The following FGF13 variants were observed in gnomAD, a reference collection of about 807,000 sequenced individuals.
FGF13 encodes fibroblast growth factor homologous factor 2.
A neutral mutation model predicts 19.5 loss-of-function variants in FGF13; 2 were observed. That is an observed-to-expected ratio of 0.10 (90% CI 0.04 to 0.32). The LOEUF is 0.32. FGF13 is among the 10% of genes least tolerant of loss of function. The probability of loss-of-function intolerance (pLI) is 1.00; values close to 1 mark genes in which losing one functional copy is unlikely to be tolerated. For synonymous variants in FGF13, 72 were observed against 76.9 expected, an observed-to-expected ratio of 0.94 and a Z score of 0.33; for missense variants, 113 against 192.7, an observed-to-expected ratio of 0.59 and a Z score of 2.45.
At chrX:139,108,692 A>C (rs915115135) in intron 1 of FGF13, among the ~76,000 whole-genome samples, 1 of 110,543 alleles carries the variant, frequency 9.0e-6, no homozygotes, top group African/African-American at 3.3e-5. Context: ...TTTTATTTTA[A>C]GTTCTGGGGT....
intron 1 of FGF13, among the ~76,000 whole-genome samples, chrX:139,131,653 T>C (rs1044886753): frequency 2.7e-5 from 3 of 111,071 alleles, no homozygotes; most frequent in African/African-American, 6.5e-5. Context: ...AGGAGGACTG[T>C]TTGAGCCCAG....
chrX:138,837,483 G>A (rs2091121142), intron 3 of FGF13, among the ~76,000 whole-genome samples: 1 of 112,184 alleles, frequency 8.9e-6, no homozygotes, highest in Non-Finnish European at 1.9e-5. Context: ...CTGCTGTGCT[G>A]TGGTATTGCT....
intron 1 of FGF13, among the ~76,000 whole-genome samples, chrX:138,939,358 T>A (rs1040233189): frequency 8.9e-6 from 1 of 112,351 alleles, no homozygotes; most frequent in Admixed American, 9.4e-5. Context: ...TTGCTTCATA[T>A]TCCATGAATT....
chrX:139,055,103 G>A (rs1168529187), intron 1 of FGF13, among the ~76,000 whole-genome samples: 3 of 110,877 alleles, frequency 2.7e-5, no homozygotes, highest in African/African-American at 9.9e-5. Flanking sequence ...TAGGGTTTTC[G>A]AGGTAAACAA....
rs976140548 is a variant in FGF13, at chrX:139,110,299, G to T, written c.-113+93117C>A. On this transcript the variant is annotated intron_variant, in intron 1 of 2. Transcript: ENST00000421460. The stretch of plus-strand genomic sequence containing the variant: ...TCTTTCATTTTTATATGCTGATATG[G>T]TTTGGCTGTGTCCCCACCCAAATGT... Among the ~76,000 whole-genome samples the T allele has an allele frequency of 2.7e-5, 3 of 109,428 alleles. No homozygotes were observed. In the Admixed American group the frequency reaches 2.9e-4, roughly 11 times the overall value.
intron 1 of FGF13, among the ~76,000 whole-genome samples, chrX:138,868,617 G>A (rs755955282): frequency 9.0e-6 from 1 of 110,768 alleles, no homozygotes; most frequent in Non-Finnish European, 1.9e-5. Context: ...AATTTTTGGA[G>A]TATTAAAGCT....
chrX:138,769,377 C>G (rs1177112110), intron 3 of FGF13, among the ~76,000 whole-genome samples: 1 of 111,813 alleles, frequency 8.9e-6, no homozygotes, highest in African/African-American at 3.3e-5. Context: ...TAACTTTTTA[C>G]AAGTTACTTA....
chrX:138,884,379 C>A (rs770019016), intron 1 of FGF13, among the ~76,000 whole-genome samples: 2 of 111,938 alleles, frequency 1.8e-5, no homozygotes, highest in Admixed American at 9.5e-5. Flanking sequence ...AGGGAGAGGG[C>A]CTCCTGTTGG....
In FGF13 at chrX:138,617,059, C is replaced by T. The variant is rs1367507260; in HGVS notation, c.*15791G>A. 3 of 111,849 alleles carry T rather than the reference C, an allele frequency of 2.7e-5. No homozygotes were observed. The East Asian group carries it at 8.5e-4, about 32-fold the overall frequency. 9.2% of individuals were successfully genotyped at this position (111,849 alleles called of 1,213,427 possible). On this transcript the variant is annotated 3_prime_UTR_variant, in exon 5 of 5. Transcript: ENST00000315930. ...CTGCAGTGAAGGTCTCTGACATGCC[C>T]TAGAGACATTCTCCCCATTGTTTTG...
intron 3 of FGF13, among the ~76,000 whole-genome samples, chrX:138,851,250 C>T (rs914434800): frequency 4.5e-5 from 5 of 111,722 alleles, no homozygotes; most frequent in Non-Finnish European, 9.4e-5. Context: ...TTTAAGTATA[C>T]ACCCAGTAAT....
intron 1 of FGF13, among the ~76,000 whole-genome samples, chrX:138,887,434 C>A (rs767318706): frequency 6.6e-4 from 74 of 111,627 alleles, no homozygotes; most frequent in Non-Finnish European, 1.2e-3. Flanking sequence ...CCGGCCAAGT[C>A]ATCATGGATG....
chrX:138,911,431 A>G (rs1044983353), intron 1 of FGF13, among the ~76,000 whole-genome samples: 14 of 109,329 alleles, frequency 1.3e-4, no homozygotes, highest in Middle Eastern at 4.7e-3. Flanking sequence ...ATGGACACAC[A>G]GAGGGGGGCA....
At chrX:138,893,110 GGACAATTAAGA>G (rs2091485817) in intron 1 of FGF13, among the ~76,000 whole-genome samples, 1 of 111,303 alleles carries the variant, frequency 9.0e-6, no homozygotes, top group South Asian at 3.9e-4. Flanking sequence ...AAGAGAAAGG[GGACAATTAAGA>G]GACTCCCAGG....
At chrX:138,827,448 G>T (rs954855233) in intron 3 of FGF13, among the ~76,000 whole-genome samples, 1 of 111,867 alleles carries the variant, frequency 8.9e-6, no homozygotes, top group Non-Finnish European at 1.9e-5. Context: ...TCCAGGGCAG[G>T]GTTATGGCTA....
intron 1 of FGF13, among the ~76,000 whole-genome samples, chrX:139,188,134 T>C (rs1221521799): frequency 8.9e-6 from 1 of 112,175 alleles, no homozygotes; most frequent in Admixed American, 9.4e-5. Flanking sequence ...TGCTTCCTTT[T>C]TATTTCTCCC....
intron 1 of FGF13, among the ~76,000 whole-genome samples, chrX:139,202,333 A>G (rs1230591150): frequency 8.9e-6 from 1 of 111,855 alleles, no homozygotes; most frequent in Admixed American, 9.5e-5. Flanking sequence ...CTTTAATTAC[A>G]TTTACTTCTC....
Position 138,984,598 on chromosome X carries a change from AG to A in FGF13, c.-112-119949del, listed in dbSNP as rs2091983516. On this transcript the variant is annotated intron_variant, in intron 1 of 2. Coordinates refer to the FGF13 transcript ENST00000421460. ...AAGAAGAAGAAGAAGAAGGAGGAGG[AG>A]GAGGAGGAGGAGGAGGATGAGGAAG... 1.3e-4 allele frequency among the ~76,000 whole-genome samples: 5 copies of A among 39,076 alleles called. 1 individual carries two copies. The highest frequency in any genetic ancestry group is 4.1e-4 in the African/African-American group (5 of 12,153). The allele number at this position is 39,076 out of a possible 115,157, so 33.9% of individuals were successfully genotyped here.
intron 1 of FGF13, among the ~76,000 whole-genome samples, chrX:139,085,678 C>T (rs745616902): frequency 1.8e-5 from 2 of 111,683 alleles, no homozygotes; most frequent in Non-Finnish European, 3.8e-5. Flanking sequence ...AATTTAGGTG[C>T]AAGCTGTAGC....
chrX:139,170,296 C>A (rs2084120746), intron 1 of FGF13, among the ~76,000 whole-genome samples: 1 of 111,267 alleles, frequency 9.0e-6, no homozygotes, highest in Non-Finnish European at 1.9e-5. Flanking sequence ...GCTAATGCAT[C>A]CTCCTCACCA....
Sources: allele counts gnomAD v4.1 joint callset (sites outside exome capture counted in the v4.1 genomes callset), GRCh38; gene constraint gnomAD v4.1.1; transcripts MANE v1.5; gene names NCBI Gene and HGNC (gene_info 2026-07-23, HGNC 2026-07-21).